SYT6: variants seen among roughly 807,000 people sequenced by gnomAD.
SYT6 encodes synaptotagmin 6.
Under a neutral mutation model 38.4 loss-of-function variants are expected in SYT6, and 24 were observed. That is an observed-to-expected ratio of 0.62 (90% CI 0.45 to 0.88). The LOEUF (loss-of-function observed/expected upper bound fraction) is 0.88, where lower values mean the gene tolerates loss of function less well. SYT6 is among the 40% of genes least tolerant of loss of function. The probability of loss-of-function intolerance (pLI) is 0.00; values close to 1 mark genes in which losing one functional copy is unlikely to be tolerated. For missense variants in SYT6, 611 were observed against 621.0 expected (o/e 0.98, Z 0.17); for synonymous variants, 265 against 241.9 (o/e 1.10, Z -0.89).
chr1:114,119,486 G>A (rs1396619188), intron 3 of SYT6, among the ~76,000 whole-genome samples: 2 of 152,236 alleles, frequency 1.3e-5, no homozygotes, highest in Non-Finnish European at 2.9e-5. Flanking sequence ...GCACTTGGCT[G>A]AGATTTGTGT....
rs991723002 is a variant in SYT6, at chr1:114,092,338, C to CTCTCTCTCTG, written c.*52-257_*52-256insCAGAGAGAGA. ...TCTCTCTCTCTCTCTCTCTCTCTCT[C>CTCTCTCTCTG]TGTGTGTGTGTGTGTGTGTGTGTGT... On this transcript the variant is annotated intron_variant, in intron 7 of 7. Transcript: ENST00000610222. Among the ~76,000 whole-genome samples, 302 of 128,548 alleles carry CTCTCTCTCTG rather than the reference C, an allele frequency of 2.3e-3. 2 individuals are homozygous for CTCTCTCTCTG. The highest frequency in any genetic ancestry group is 0.018 in the South Asian group (51 of 2,878). The allele number at this position is 128,548 out of a possible 152,430, so 84.3% of individuals were successfully genotyped here. A position where few individuals can be genotyped will look rare whatever the true frequency, so the allele number is the denominator to read the frequency against.
At chr1:114,094,396 G>A (rs1675504004) in intron 6 of SYT6, among the ~76,000 whole-genome samples, 1 of 152,198 alleles carries the variant, frequency 6.6e-6, no homozygotes. Context: ...TCTGGCAGAT[G>A]ATCTGAACCC....
intron 3 of SYT6, among the ~76,000 whole-genome samples, chr1:114,129,158 C>A (rs958921888): frequency 2.6e-5 from 4 of 152,400 alleles, no homozygotes; most frequent in Admixed American, 2.6e-4. Flanking sequence ...TCTTTCTCTA[C>A]ACCTTAGACC....
chr1:114,103,534 T>A, intron 4 of SYT6, 67 bp downstream of exon 4: 1 of 1,588,982 alleles, frequency 6.3e-7, no homozygotes, highest in Non-Finnish European at 8.6e-7. Flanking sequence ...TTTCTCCTTC[T>A]CCCCGAACAC....
At chr1:114,142,665 T>C (rs1297798714) in intron 1 of SYT6, among the ~76,000 whole-genome samples, 2 of 152,094 alleles carry the variant, frequency 1.3e-5, no homozygotes, top group African/African-American at 2.4e-5. Flanking sequence ...AAAGGAAAAG[T>C]CCATTGACGC....
intron 6 of SYT6, among the ~76,000 whole-genome samples, chr1:114,096,113 G>A (rs1675626363): frequency 6.6e-6 from 1 of 152,106 alleles, no homozygotes; most frequent in South Asian, 2.1e-4. Flanking sequence ...GGGTGGTGGG[G>A]TGGATGGGGC....
At chr1:114,127,142 C>T (rs965296521) in intron 3 of SYT6, among the ~76,000 whole-genome samples, 3 of 152,194 alleles carry the variant, frequency 2.0e-5, no homozygotes, top group African/African-American at 4.8e-5. Flanking sequence ...ACATGGGAAA[C>T]CTTTAGCCCC....
rs577712304 is a variant in SYT6, at chr1:114,137,370, A to G, written c.1071+125T>C. 3.5e-6 allele frequency: 4 copies of G among 1,144,278 alleles called. No individual in the cohort carries two copies. In the African/African-American group the frequency reaches 6.2e-5, roughly 18 times the overall value. The allele number at this position is 1,144,278 out of a possible 1,614,324, so 70.9% of individuals were successfully genotyped here. A position where few individuals can be genotyped will look rare whatever the true frequency, so the allele number is the denominator to read the frequency against. On this transcript the variant is annotated intron_variant, in intron 3 of 7. Transcript: ENST00000610222. ...GACTGGGCCACTGGGCAGTTTCCAG[A>G]GTCCCTCTTCACATCCCAAATGGCA...
At chr1:114,132,646 T>A (rs1678223139) in intron 3 of SYT6, among the ~76,000 whole-genome samples, 1 of 152,038 alleles carries the variant, frequency 6.6e-6, no homozygotes, top group Non-Finnish European at 1.5e-5. Flanking sequence ...AAATGAATAA[T>A]AATGTCCAAC....
chr1:114,137,717 G>A lies in SYT6; in HGVS notation c.849C>T (p.Thr283=). 6.2e-7 allele frequency: 1 copy of A among 1,613,886 alleles called. No individual in the cohort carries two copies. Among genetic ancestry groups the A allele is most frequent in the Non-Finnish European group, 8.5e-7 (1 of 1,179,814 alleles). ...LLPDRKCKLQ[T]RVHRKTLNPT... is the part of the protein sequence containing the mutation. ...GGTTCAGGGTCTTGCGGTGCACCCG[G>A]GTCTGCAGCTTGCATTTGCGGTCAG... is the stretch of plus-strand genomic sequence containing the variant. The change falls in exon 3 of 8, where the codon ACC becomes ACT. Residue 283 remains threonine (T), a synonymous_variant. Transcript: ENST00000610222.
At chr1:114,093,846 C>A (rs149292434) in intron 6 of SYT6, 43 bp from the exon 7 acceptor site, 2 of 1,587,404 alleles carry the variant, frequency 1.3e-6, no homozygotes, top group Non-Finnish European at 1.7e-6. Flanking sequence ...GTTGTTGAGG[C>A]CACTGTGGCT....
chr1:114,099,968 G>A (rs1359212190), intron 4 of SYT6, among the ~76,000 whole-genome samples: 2 of 152,078 alleles, frequency 1.3e-5, no homozygotes, highest in South Asian at 2.1e-4. Flanking sequence ...GCTGTGGCCC[G>A]GGGAGACTCA....
rs901146 is a variant in SYT6 at position 114,090,476 on chromosome 1, C to A, written c.*1658G>T. 10,538 of 152,408 alleles carry A rather than the reference C, an allele frequency of 0.069. 490 individuals carry two copies. The highest frequency in any genetic ancestry group is 0.12 in the Middle Eastern group (36 of 294). The allele number at this position is 152,408 out of a possible 1,614,324, so 9.4% of individuals were successfully genotyped here. ...TTTAGGGCTAGAAGATACTATGCAG[C>A]GTTCTATCAGCAGAGAAATCTGACA... On this transcript the variant is annotated 3_prime_UTR_variant, in exon 8 of 8. Transcript: ENST00000610222.
chr1:114,104,745 T>C (rs543587703), intron 3 of SYT6, among the ~76,000 whole-genome samples: 2,880 of 152,304 alleles, frequency 0.019, 85 homozygotes, highest in African/African-American at 0.066. Flanking sequence ...AGTGTTGATC[T>C]GAGTGCTAAG....
At chr1:114,138,095 C>A in intron 2 of SYT6, 42 bp from the exon 3 acceptor site, 1 of 1,571,224 alleles carries the variant, frequency 6.4e-7, no homozygotes, top group Non-Finnish European at 8.6e-7. Context: ...GTGGTCAGGG[C>A]TCAGGGGAAG....
chr1:114,099,225 C>G lies in SYT6; in HGVS notation c.1233G>C (p.Arg411Ser), dbSNP rs769744385. 1.2e-6 allele frequency: 2 copies of G among 1,613,988 alleles called. 1 individual carries two copies. Among genetic ancestry groups the G allele is most frequent in the South Asian group, 2.2e-5 (2 of 91,046 alleles). ...VKVSLLCDGR[R>S]LKKKKTTIKK... ...TTATGGTTGTTTTCTTCTTCTTCAG[C>G]CTCCGCCCATCACAGAGCAAGGACA... The change falls in exon 5 of 8, where the codon AGG becomes AGC. Residue 411 changes from arginine to serine, a missense_variant. Arg to Ser is a moderately radical substitution (Grantham distance 110). Transcript: ENST00000610222.
chr1:114,129,248 C>T (rs1332586774), intron 3 of SYT6, among the ~76,000 whole-genome samples: 2 of 152,254 alleles, frequency 1.3e-5, no homozygotes, highest in African/African-American at 4.8e-5. Flanking sequence ...TACATATCTA[C>T]CACCATATTT....
chr1:114,105,340 TC>T (rs552960681), intron 3 of SYT6, among the ~76,000 whole-genome samples: 5 of 119,202 alleles, frequency 4.2e-5, no homozygotes, highest in Non-Finnish European at 8.4e-5. Flanking sequence ...AGGCCCTGTC[TC>T]CCCCTACCTC....
chr1:114,097,575 T>C, intron 6 of SYT6, 152 bp downstream of exon 6: 2 of 908,142 alleles, frequency 2.2e-6, no homozygotes. Flanking sequence ...TTCCTCCATT[T>C]CCTTTTGGCC....
Sources: allele counts gnomAD v4.1 joint callset (sites outside exome capture counted in the v4.1 genomes callset), GRCh38; gene constraint gnomAD v4.1.1; transcripts MANE v1.5; gene names NCBI Gene and HGNC (gene_info 2026-07-23, HGNC 2026-07-21).